CTNNA3: variants seen among roughly 807,000 people sequenced by gnomAD.
CTNNA3 encodes the protein catenin alpha-3.
A neutral mutation model predicts 95.7 loss-of-function variants in CTNNA3; 76 were observed. The observed-to-expected ratio is 0.79, with a 90% CI of 0.66 to 0.96. The LOEUF (loss-of-function observed/expected upper bound fraction) is 0.96, where lower values mean the gene tolerates loss of function less well. Among genes scored for constraint, CTNNA3 ranks in the 40% least tolerant of loss-of-function variants. The pLI is 0.00. For synonymous variants in CTNNA3, 431 were observed against 374.4 expected, an observed-to-expected ratio of 1.15 and a Z score of -1.74; for missense variants, 1,191 against 1,089.8, an observed-to-expected ratio of 1.09 and a Z score of -1.31.
At chr10:67,730,320 AT>A (rs35741997) in intron 1 of CTNNA3, among the ~76,000 whole-genome samples, 37 of 149,730 alleles carry the variant, frequency 2.5e-4, no homozygotes, top group Middle Eastern at 6.9e-3. Flanking sequence ...TTCCTTGGGC[AT>A]TTTTTTTTTA....
Position 67,277,309 on chromosome 10 carries a change from T to C in CTNNA3, c.580-57439A>G, listed in dbSNP as rs2127593. 4.3e-3 allele frequency among the ~76,000 whole-genome samples: 662 copies of C among 152,230 alleles called. 19 individuals carry two copies. In the East Asian group the frequency reaches 0.074, roughly 17 times the overall value. ...AAAGGTCCTTTATTGGCTGAGCACA[T>C]TGATGGGTGGTTGTATGCAGTTTGA... On this transcript the variant is annotated intron_variant, in intron 5 of 17. Coordinates refer to ENST00000433211, the MANE Select transcript of CTNNA3 (RefSeq NM_013266.4).
At chr10:67,648,834 C>T (rs1456153074) in intron 1 of CTNNA3, 15 of 1,261,496 alleles carry the variant, frequency 1.2e-5, no homozygotes, top group Middle Eastern at 2.1e-4. Context: ...GTAAGAGACA[C>T]GCTTCAAGAA....
intron 15 of CTNNA3, among the ~76,000 whole-genome samples, chr10:66,063,493 C>G (rs2080252472): frequency 6.6e-6 from 1 of 151,436 alleles, no homozygotes; most frequent in African/African-American, 2.4e-5. Context: ...ACTTTTTTTA[C>G]ACATTCCTTT....
intron 17 of CTNNA3, among the ~76,000 whole-genome samples, chr10:65,953,806 T>C: frequency 6.6e-6 from 1 of 152,220 alleles, no homozygotes; most frequent in Non-Finnish European, 1.5e-5. Flanking sequence ...TTGGGTTGGT[T>C]CCAAGTCTTT....
chr10:66,518,791 G>T (rs1371262367), intron 11 of CTNNA3, among the ~76,000 whole-genome samples: 1 of 151,974 alleles, frequency 6.6e-6, no homozygotes, highest in Admixed American at 6.6e-5. Flanking sequence ...TATTATTCCT[G>T]AGTAGTGGAA....
chr10:67,298,928 A>AT (rs111379857), intron 5 of CTNNA3, among the ~76,000 whole-genome samples: 8,116 of 146,526 alleles, frequency 0.055, 291 homozygotes, highest in Middle Eastern at 0.094. Context: ...CATATGTTGC[A>AT]TTTTTTTTTT....
At chr10:66,844,955 G>A (rs1473621809) in intron 7 of CTNNA3, among the ~76,000 whole-genome samples, 2 of 152,056 alleles carry the variant, frequency 1.3e-5, no homozygotes, top group Non-Finnish European at 2.9e-5. Flanking sequence ...TATAGAAAGG[G>A]GTGGAATGAG....
intron 13 of CTNNA3, among the ~76,000 whole-genome samples, chr10:66,254,846 C>G (rs936196970): frequency 6.6e-6 from 1 of 152,110 alleles, no homozygotes; most frequent in African/African-American, 2.4e-5. Context: ...CCCTTGGGGC[C>G]GAGAAACTGG....
At chr10:66,791,454 A>C (rs1262517491) in intron 7 of CTNNA3, among the ~76,000 whole-genome samples, 1 of 152,116 alleles carries the variant, frequency 6.6e-6, no homozygotes, top group Non-Finnish European at 1.5e-5. Flanking sequence ...TACCTCCTAT[A>C]TTCTTATCCT....
chr10:67,550,339 T>C (rs1840980577), intron 3 of CTNNA3, among the ~76,000 whole-genome samples: 1 of 152,116 alleles, frequency 6.6e-6, no homozygotes, highest in Non-Finnish European at 1.5e-5. Context: ...AGGTATGAAT[T>C]TTCTCCTCAC....
intron 7 of CTNNA3, among the ~76,000 whole-genome samples, chr10:67,139,631 T>C (rs1017695225): frequency 1.2e-4 from 19 of 152,100 alleles, no homozygotes; most frequent in African/African-American, 4.6e-4. Flanking sequence ...CTGGCTGGTC[T>C]CGAACTCCTG....
intron 10 of CTNNA3, among the ~76,000 whole-genome samples, chr10:66,565,205 A>G (rs1464368958): frequency 6.6e-6 from 1 of 152,160 alleles, no homozygotes. Flanking sequence ...CTATAAAACA[A>G]TCACTTCACC....
chr10:66,483,379 A>G (rs1463392712), intron 11 of CTNNA3, among the ~76,000 whole-genome samples: 4 of 151,668 alleles, frequency 2.6e-5, no homozygotes, highest in African/African-American at 9.7e-5. Flanking sequence ...TTTTTTTATC[A>G]TTATTATAGA....
At chr10:66,286,152 T>G (rs1468259646) in intron 12 of CTNNA3, among the ~76,000 whole-genome samples, 1 of 152,006 alleles carries the variant, frequency 6.6e-6, no homozygotes, top group Non-Finnish European at 1.5e-5. Context: ...TATATCCATA[T>G]ATTTCACATT....
chr10:67,257,914 C>G (rs1866428981), intron 5 of CTNNA3, among the ~76,000 whole-genome samples: 1 of 152,176 alleles, frequency 6.6e-6, no homozygotes, highest in African/African-American at 2.4e-5. Flanking sequence ...TGTTTAGACT[C>G]TCCTTACATC....
chr10:66,198,147 T>C (rs1361710573), intron 13 of CTNNA3, among the ~76,000 whole-genome samples: 6 of 152,202 alleles, frequency 3.9e-5, no homozygotes, highest in Non-Finnish European at 8.8e-5. Flanking sequence ...AATTTCAGTT[T>C]ATTTCTCTCT....
At chr10:66,458,428 C>A (rs549847392) in intron 11 of CTNNA3, among the ~76,000 whole-genome samples, 2 of 152,074 alleles carry the variant, frequency 1.3e-5, no homozygotes, top group East Asian at 3.9e-4. Context: ...GTAAAATATA[C>A]GTAACACAAA....
intron 5 of CTNNA3, among the ~76,000 whole-genome samples, chr10:67,482,705 T>C (rs1296031874): frequency 6.6e-6 from 1 of 152,152 alleles, no homozygotes; most frequent in African/African-American, 2.4e-5. Flanking sequence ...CAGGGACAAT[T>C]TGACTTCCTC....
Position 66,830,603 on chromosome 10 carries a change from CT to C in CTNNA3, c.1048-55080del, listed in dbSNP as rs111968297. ...CAACCCCTCACAACTACTAATTTCT[CT>C]TTTTTTTTTTGTTTTTCCTTTTTGA... On this transcript the variant is annotated intron_variant, in intron 7 of 17. Transcript: ENST00000433211. Among the ~76,000 whole-genome samples, 486 of 147,760 alleles carry C rather than the reference CT, an allele frequency of 3.3e-3. 3 individuals are homozygous for C. Among genetic ancestry groups the C allele is most frequent in the African/African-American group, 0.011 (442 of 40,098 alleles).
Sources: allele counts gnomAD v4.1 joint callset (sites outside exome capture counted in the v4.1 genomes callset), GRCh38; gene constraint gnomAD v4.1.1; transcripts MANE v1.5; gene names NCBI Gene and HGNC (gene_info 2026-07-23, HGNC 2026-07-21).